Variants in DNAH10 observed in about 807,000 individuals in gnomAD.
DNAH10 encodes axonemal beta dynein heavy chain 10.
A neutral mutation model predicts 506.6 loss-of-function variants in DNAH10; 348 were observed. The observed-to-expected ratio is 0.69, with a 90% CI of 0.63 to 0.75. The LOEUF (loss-of-function observed/expected upper bound fraction) is 0.75. DNAH10 is among the 30% of genes least tolerant of loss of function. The probability of loss-of-function intolerance (pLI) is 0.00; values close to 1 mark genes in which losing one functional copy is unlikely to be tolerated. For missense variants in DNAH10, 5,179 were observed against 5,787.1 expected, an observed-to-expected ratio of 0.89 and a Z score of 3.41; for synonymous variants, 2,059 against 2,198.6, an observed-to-expected ratio of 0.94 and a Z score of 1.78.
intron 11 of DNAH10, among the ~76,000 whole-genome samples, chr12:123,790,455 G>A (rs1024894273): frequency 7.2e-5 from 11 of 152,068 alleles, no homozygotes; most frequent in African/African-American, 2.2e-4. Flanking sequence ...ATCACAAAGC[G>A]CCCTGTGAGT....
rs753013312 is a variant in DNAH10 at position 123,873,706 on chromosome 12, C to T, written c.7934C>T (p.Pro2645Leu). The T allele has an allele frequency of 2.7e-5, 43 of 1,607,374 alleles. No homozygotes were observed. The highest frequency in any genetic ancestry group is 3.7e-5 in the Non-Finnish European group (43 of 1,176,828). Reference sequence around the variant, plus strand: ...GTGTTCATGGATGACATGAATATGCCAAGGGTAGTTTGACGCTCAAGCAGG... The same window carrying T: ...GTGTTCATGGATGACATGAATATGCTAAGGGTAGTTTGACGCTCAAGCAGG... The part of the protein sequence containing the change: ...LLVFMDDMNM[P>L]RVDEYGTQQP... Residue 2645 changes from proline to leucine, a missense_variant, in exon 46 of 79, where the codon CCA (proline) becomes CTA (leucine). Coordinates refer to ENST00000673944, the MANE Select transcript of DNAH10 (RefSeq NM_001372106.1).
At chr12:123,924,951 T>A in intron 67 of DNAH10, 99 bp from the exon 68 acceptor site, 2 of 1,501,486 alleles carry the variant, frequency 1.3e-6, no homozygotes, top group Non-Finnish European at 1.8e-6. Flanking sequence ...ACCTATGGAT[T>A]CTCGTCCCTT....
At position 123,908,643 on chromosome 12, in the gene DNAH10, G is replaced by A. The variant is rs79465075; in HGVS notation, c.9816-618G>A. 3,392 of 444,256 alleles carry A rather than the reference G, an allele frequency of 7.6e-3. 98 individuals are homozygous for A. Among genetic ancestry groups the A allele is most frequent in the African/African-American group, 0.061 (3,026 of 49,830 alleles). The allele number at this position is 444,256 out of a possible 1,614,324, so 27.5% of individuals were successfully genotyped here. A position where few individuals can be genotyped will look rare whatever the true frequency, so the allele number is the denominator to read the frequency against. Reference sequence around the variant, plus strand: ...CCGTTGGCAGTTCTGGTTCTCCAGAGGAACAAGGGCAGTGGACATCTGCGT... The same window carrying A: ...CCGTTGGCAGTTCTGGTTCTCCAGAAGAACAAGGGCAGTGGACATCTGCGT... On this transcript the variant is annotated intron_variant, in intron 57 of 78. Coordinates refer to ENST00000673944, the MANE Select transcript of DNAH10 (RefSeq NM_001372106.1).
chr12:123,913,157 T>A lies in DNAH10; in HGVS notation c.10194T>A (p.Asn3398Lys). The A allele has an allele frequency of 6.2e-7, 1 of 1,611,940 alleles. No individual in the cohort carries two copies. Among genetic ancestry groups the A allele is most frequent in the South Asian group, 1.1e-5 (1 of 90,596 alleles). Residue 3398 changes from asparagine to lysine, a missense_variant, in exon 60 of 79, where the codon AAT (asparagine) becomes AAA (lysine). Physicochemically the swap from Asn to Lys is moderately conservative, Grantham distance 94 (BLOSUM62 0). This residue lies in a region of DNAH10 where 4,844 missense variants were observed against 5,430.5 expected (regional missense o/e 0.89). Transcript: ENST00000673944. The surrounding 1 kb of genome is among the most constrained non-coding windows in gnomAD (Gnocchi z 5.1). ...AACGGGAACTGGAAAGGATCCAGAATGAGTTGGCAGCAATTCAGAAAGAGC... is the reference window on the plus strand; with the variant it reads ...AACGGGAACTGGAAAGGATCCAGAAAGAGTTGGCAGCAATTCAGAAAGAGC... ...LTKRELERIQ[N>K]ELAAIQKELE... is the part of the protein sequence containing the mutation.
intron 35 of DNAH10, among the ~76,000 whole-genome samples, chr12:123,852,572 C>T (rs1266688011): frequency 6.6e-6 from 1 of 150,798 alleles, no homozygotes; most frequent in East Asian, 1.9e-4. Flanking sequence ...AAGACATTTA[C>T]AGCCTTTTTT....
intron 65 of DNAH10, among the ~76,000 whole-genome samples, chr12:123,920,974 T>C (rs75993819): frequency 0.058 from 8,853 of 152,176 alleles, 781 homozygotes; most frequent in African/African-American, 0.19. Context: ...GGTCTCGCCA[T>C]GTTGCCCAGG....
chr12:123,838,504 G>GC lies in DNAH10; in HGVS notation c.4955dup (p.Asn1653LysfsTer5). On this transcript the variant is annotated frameshift_variant, in exon 29 of 79. Transcript: ENST00000673944. LOFTEE classifies it high-confidence loss of function. ...CCCCGTGATCAAGAGGTGCTGTGAA[G>GC]CCCCAAACCGCCTCAGTGACCTACA... 1.2e-6 allele frequency: 2 copies of GC among 1,614,000 alleles called. No individual in the cohort carries two copies. The highest frequency in any genetic ancestry group is 2.2e-5 in the South Asian group (2 of 91,076).
chr12:123,771,631 T>C lies in DNAH10; in HGVS notation c.329T>C (p.Leu110Pro). 6.2e-7 allele frequency: 1 copy of C among 1,613,750 alleles called. No individual in the cohort carries two copies. ...CGTGTGTCACTGAGAACCGAATCTC[T>C]AGGCCAACCTCTAAACAGAGAGGAT... Reference protein sequence around the residue: ...AKRVSLRTESLGQPLNREDEE... With the variant: ...AKRVSLRTESPGQPLNREDEE... Residue 110 changes from leucine (L) to proline (P), a missense_variant, in exon 3 of 79, where the codon CTA becomes CCA. By Grantham distance (98) the Leu-to-Pro change is moderately conservative. Around this residue, in one of 3 missense-constraint regions of DNAH10, gnomAD observed 326 missense variants for 330.8 expected, o/e 0.99. Transcript: ENST00000673944.
rs1956868605 is a variant in DNAH10, at chr12:123,762,617, C to T, written c.214+67C>T. 7 of 1,466,696 alleles carry T rather than the reference C, an allele frequency of 4.8e-6. No homozygotes were observed. Among genetic ancestry groups the T allele is most frequent in the Non-Finnish European group, 6.4e-6 (7 of 1,099,262 alleles). The allele number at this position is 1,466,696 out of a possible 1,614,324, so 90.9% of individuals were successfully genotyped here. A position where few individuals can be genotyped will look rare whatever the true frequency, so the allele number is the denominator to read the frequency against. ...TGCCCGTCCCGGCCTCTCCGGCGGGCGCCGGGGCTGCTAGAGCCTGCCCAT... is the reference window on the plus strand; with the variant it reads ...TGCCCGTCCCGGCCTCTCCGGCGGGTGCCGGGGCTGCTAGAGCCTGCCCAT... On this transcript the variant is annotated intron_variant, in intron 1 of 78. Coordinates refer to ENST00000673944, the MANE Select transcript of DNAH10 (RefSeq NM_001372106.1). This position sits in a 1 kb window ranked among gnomAD's most constrained non-coding sequence, Gnocchi z 5.0.
In DNAH10 at chr12:123,925,015, G is replaced by A. The variant is rs188050323; in HGVS notation, c.11767-35G>A. 77 of 1,611,096 alleles carry A rather than the reference G, an allele frequency of 4.8e-5. 1 individual carries two copies. The Admixed American group carries it at 1.0e-3, about 21-fold the overall frequency. ...AAATGGGGACCTATGTCATTTCTGA[G>A]TTGACGCACAATGAATATTCTTTGC... is the stretch of plus-strand genomic sequence containing the variant. On this transcript the variant is annotated intron_variant, in intron 67 of 78. Coordinates refer to ENST00000673944, the MANE Select transcript of DNAH10 (RefSeq NM_001372106.1). This position sits in a 1 kb window ranked among gnomAD's most constrained non-coding sequence, Gnocchi z 4.0.
Position 123,919,988 on chromosome 12 carries a change from T to C in DNAH10, c.11506+1039T>C, listed in dbSNP as rs1954656147. ...TTGGGGGTATATCTAGAAAGGGAAC[T>C]GCTGGGTCATAGGGTAATTCTATGT... On this transcript the variant is annotated intron_variant, in intron 65 of 78. Transcript: ENST00000673944. The surrounding 1 kb of genome is among the most constrained non-coding windows in gnomAD (Gnocchi z 4.9). Among the ~76,000 whole-genome samples the C allele has an allele frequency of 6.6e-6, 1 of 152,258 alleles. No individual in the cohort carries two copies. Among genetic ancestry groups the C allele is most frequent in the Non-Finnish European group, 1.5e-5 (1 of 68,046 alleles).
intron 49 of DNAH10, 21 bp downstream of exon 49, chr12:123,879,378 T>G: frequency 6.4e-7 from 1 of 1,550,444 alleles, no homozygotes; most frequent in Non-Finnish European, 8.7e-7. Flanking sequence ...CCAATGCTTC[T>G]TCTCAGGAAA....
chr12:123,849,637 C>G (rs925487238), intron 34 of DNAH10, among the ~76,000 whole-genome samples: 1 of 152,204 alleles, frequency 6.6e-6, no homozygotes, highest in Admixed American at 6.5e-5. Flanking sequence ...ACTTGCTCCA[C>G]AGTCATACCA....
intron 1 of DNAH10, among the ~76,000 whole-genome samples, chr12:123,765,830 T>C (rs1957022246): frequency 6.7e-6 from 1 of 150,086 alleles, no homozygotes; most frequent in Non-Finnish European, 1.5e-5. Context: ...CATCTATCTC[T>C]ATCTATATAT....
intron 13 of DNAH10, among the ~76,000 whole-genome samples, chr12:123,797,434 C>T (rs545069612): frequency 3.7e-4 from 56 of 151,342 alleles, no homozygotes; most frequent in Non-Finnish European, 7.4e-4. Flanking sequence ...GCTGTGTTGC[C>T]CAGGCTGGAG....
chr12:123,914,560 A>G lies in DNAH10; in HGVS notation c.10574+10A>G. On this transcript the variant is annotated intron_variant, in intron 61 of 78. Coordinates refer to ENST00000673944, the MANE Select transcript of DNAH10 (RefSeq NM_001372106.1). The stretch of plus-strand genomic sequence containing the variant: ...ATGTTGAGATCAGCAGGTGTGTGGC[A>G]CCCTGAGCCAGCAGGAGGGAGGGGA... 6.2e-7 allele frequency: 1 copy of G among 1,609,834 alleles called. No homozygotes were observed. Among genetic ancestry groups the G allele is most frequent in the Non-Finnish European group, 8.5e-7 (1 of 1,178,074 alleles).
Position 123,902,393 on chromosome 12 carries a change from TC to T in DNAH10, c.9641-544del, listed in dbSNP as rs2137285111. 6.6e-6 allele frequency among the ~76,000 whole-genome samples: 1 copy of T among 152,204 alleles called. No individual in the cohort carries two copies. Among genetic ancestry groups the T allele is most frequent in the Non-Finnish European group, 1.5e-5 (1 of 68,006 alleles). On this transcript the variant is annotated intron_variant, in intron 56 of 78. Transcript: ENST00000673944. This position sits in a 1 kb window ranked among gnomAD's most constrained non-coding sequence, Gnocchi z 4.5. ...TCCGGCCCTCGGGGAGGTGCTGACA[TC>T]CTAGTGAGTGAGGGCACCCAGGCAG...
chr12:123,796,973 C>A lies in DNAH10; in HGVS notation c.2163+141C>A, dbSNP rs921181025. On this transcript the variant is annotated intron_variant, in intron 13 of 78. Transcript: ENST00000673944. ...GCAACCTCCGCCTCCCAGGTTCAAG[C>A]GATTCTCTTGCCTCAGCCTCCCAAG... 12 of 689,054 alleles carry A rather than the reference C, an allele frequency of 1.7e-5. 1 individual carries two copies. In the South Asian group the frequency reaches 3.1e-4, roughly 18 times the overall value. 42.7% of individuals were successfully genotyped at this position (689,054 alleles called of 1,614,324 possible). A position where few individuals can be genotyped will look rare whatever the true frequency, so the allele number is the denominator to read the frequency against.
At position 123,819,251 on chromosome 12, in the gene DNAH10, G is replaced by C; in HGVS notation, c.4000+1G>C. On this transcript the variant is annotated splice_donor_variant, in intron 23 of 78. Coordinates refer to ENST00000673944, the MANE Select transcript of DNAH10 (RefSeq NM_001372106.1). LOFTEE classifies it high-confidence loss of function. ...TCTGTTGGTGATGATCTTGATAAAG[G>C]TAAGAATGTTCCTGTTGGTCTTACT... The C allele has an allele frequency of 6.2e-7, 1 of 1,609,748 alleles. No individual in the cohort carries two copies. The highest frequency in any genetic ancestry group is 8.5e-7 in the Non-Finnish European group (1 of 1,177,540).
Sources: gnomAD v4.1 joint callset for allele counts (sites outside exome capture counted in the v4.1 genomes callset) on GRCh38, gnomAD v4.1.1 for gene constraint, gnomAD v4.1.1 regional missense constraint, Gnocchi (gnomAD v3.1) non-coding constraint, MANE v1.5 for transcripts, NCBI Gene and HGNC (gene_info 2026-07-23, HGNC 2026-07-21) for gene names.